EPB41L3: variants seen among roughly 807,000 people sequenced by gnomAD.
EPB41L3 encodes the protein band 4.1-like protein 3.
In EPB41L3, 57 loss-of-function variants were observed where a neutral mutation model predicts 127.1. The ratio of observed to expected loss-of-function variants is 0.45; its 90% CI spans 0.36 to 0.56. The LOEUF (loss-of-function observed/expected upper bound fraction) is 0.56, where lower values mean the gene tolerates loss of function less well. EPB41L3 is among the 20% of genes least tolerant of loss of function. The probability of loss-of-function intolerance (pLI) is 0.00; values close to 1 mark genes in which losing one functional copy is unlikely to be tolerated. For synonymous variants in EPB41L3, 572 were observed against 549.5 expected, an observed-to-expected ratio of 1.04 and a Z score of -0.57; for missense variants, 1,273 against 1,372.2, an observed-to-expected ratio of 0.93 and a Z score of 1.14.
At position 5,423,530 on chromosome 18, in the gene EPB41L3, G is replaced by T; in HGVS notation, c.1187C>A (p.Pro396His). Residue 396 changes from proline to histidine, a missense_variant, in exon 11 of 23, where the codon CCC (proline) becomes CAC (histidine). Coordinates refer to ENST00000341928, the MANE Select transcript of EPB41L3 (RefSeq NM_012307.5). ...GGAACCCAAGGTTAGGAATTTCTTG[G>T]GAGGTGCTTCTGGTAACAGTAGTCT... Reference protein sequence around the residue: ...FFRLLLPEAPPKKFLTLGSKF... With the variant: ...FFRLLLPEAPHKKFLTLGSKF... 2 of 1,612,890 alleles carry T rather than the reference G, an allele frequency of 1.2e-6. No individual in the cohort carries two copies. The highest frequency in any genetic ancestry group is 2.2e-5 in the South Asian group (2 of 90,900).
chr18:5,566,723 C>CATTCCATTCTATTCTATTCTATTCT (rs2094203774), intron 3 of EPB41L3, among the ~76,000 whole-genome samples: 3 of 112,416 alleles, frequency 2.7e-5, no homozygotes, highest in South Asian at 3.3e-4. Flanking sequence ...TTTTCTATTC[C>CATTCCATTCTATTCTATTCTATTCT]ATTCTATTCT....
At chr18:5,478,045 G>A (rs1003110853) in intron 3 of EPB41L3, among the ~76,000 whole-genome samples, 196 bp downstream of exon 3, 1 of 152,072 alleles carries the variant, frequency 6.6e-6, no homozygotes, top group African/African-American at 2.4e-5. Context: ...ACTTTTGATT[G>A]TAACATTTTG....
Position 5,416,308 on chromosome 18 carries a change from G to T in EPB41L3, c.1577C>A (p.Thr526Lys), listed in dbSNP as rs1456672482. The T allele has an allele frequency of 6.2e-7, 1 of 1,614,144 alleles. No individual in the cohort carries two copies. Among genetic ancestry groups the T allele is most frequent in the South Asian group, 1.1e-5 (1 of 91,082 alleles). Residue 526 changes from threonine (T) to lysine (K), a missense_variant, in exon 13 of 23, where the codon ACA (threonine) becomes AAA (lysine). Physicochemically the swap from Thr to Lys is moderately conservative, Grantham distance 78. Around this residue, in one of 3 missense-constraint regions of EPB41L3, gnomAD observed 765 missense variants for 782.9 expected, o/e 0.98. Coordinates refer to ENST00000341928, the MANE Select transcript of EPB41L3 (RefSeq NM_012307.5). ...CTCCTTACACCTCCTACGGAGCTCT[G>T]TGGGAGATGTGGGGGCACAATGGGT... ...PSTHCAPTSP[T>K]ELRRRCKEND...
At chr18:5,562,560 A>C (rs184225450) in intron 3 of EPB41L3, among the ~76,000 whole-genome samples, 161 of 152,362 alleles carry the variant, frequency 1.1e-3, no homozygotes, top group African/African-American at 3.8e-3. Flanking sequence ...TCAGGGTACC[A>C]ACCTCGTAAA....
At chr18:5,502,936 G>A (rs577194649) in intron 1 of EPB41L3, among the ~76,000 whole-genome samples, 42 of 152,280 alleles carry the variant, frequency 2.8e-4, no homozygotes, top group African/African-American at 8.4e-4. Flanking sequence ...TAACCCTGGC[G>A]AGGCTGCAGA....
chr18:5,609,467 GCCTGGC>G (rs1489801137), intron 3 of EPB41L3, among the ~76,000 whole-genome samples: 2 of 152,056 alleles, frequency 1.3e-5, no homozygotes, highest in Non-Finnish European at 2.9e-5. Context: ...TCCTTCCCAG[GCCTGGC>G]CCTGCATGCA....
At chr18:5,540,322 C>G (rs1335757326) in intron 1 of EPB41L3, 31 of 983,448 alleles carry the variant, frequency 3.2e-5, no homozygotes, top group Non-Finnish European at 3.6e-5. Context: ...TTACACCTTT[C>G]AATTCTCCAA....
chr18:5,537,674 A>G (rs907852354), intron 1 of EPB41L3, among the ~76,000 whole-genome samples: 2 of 151,988 alleles, frequency 1.3e-5, no homozygotes, highest in African/African-American at 4.8e-5. Context: ...TGCACCTCCC[A>G]TTACTCCCCA....
rs374364503 is a variant in EPB41L3, at chr18:5,433,481, T to C, written c.900A>G (p.Leu300=). 22 of 1,612,408 alleles carry C rather than the reference T, an allele frequency of 1.4e-5. No homozygotes were observed. In the African/African-American group the frequency reaches 2.9e-4, roughly 22 times the overall value. The change falls in exon 8 of 23, where the codon TTA becomes TTG. Residue 300 remains leucine (L), a synonymous_variant. Transcript: ENST00000341928. ...AAAAGATGCATACCTTAGCATGATG[T>C]AAATCTACCCCATACATTGATAATT... ...AKKLSMYGVD[L]HHAKDSEGVE...
At chr18:5,433,286 T>C (rs775379524) in intron 8 of EPB41L3, among the ~76,000 whole-genome samples, 183 bp downstream of exon 8, 3 of 152,136 alleles carry the variant, frequency 2.0e-5, no homozygotes, top group Non-Finnish European at 4.4e-5. Context: ...AGCAAACCCC[T>C]CAGTAAATAT....
At chr18:5,462,659 T>C (rs1325721929) in intron 3 of EPB41L3, among the ~76,000 whole-genome samples, 1 of 152,066 alleles carries the variant, frequency 6.6e-6, no homozygotes, top group African/African-American at 2.4e-5. Flanking sequence ...GTCAAAGCTG[T>C]CCCCACTCCC....
In EPB41L3 at chr18:5,489,118, C is replaced by CGCCTCCTGGGGCTCG; in HGVS notation, c.51_65dup (p.Glu18_Ala22dup). ...CCCCCGCGCGCCCCTGCGCCCCCGCCGCCTCCTGGGGCTCGGCCTCCTGGT... is the reference window on the plus strand; with the variant it reads ...CCCCCGCGCGCCCCTGCGCCCCCGCCGCCTCCTGGGGCTCGGCCTCCTGGGGCTCGGCCTCCTGGT... On this transcript the variant is annotated inframe_insertion, in exon 2 of 23. Coordinates refer to ENST00000341928, the MANE Select transcript of EPB41L3 (RefSeq NM_012307.5). 1 of 1,595,146 alleles carries CGCCTCCTGGGGCTCG rather than the reference C, an allele frequency of 6.3e-7. No individual in the cohort carries two copies. The highest frequency in any genetic ancestry group is 8.5e-7 in the Non-Finnish European group (1 of 1,174,882).
chr18:5,516,788 A>G (rs1416801556), intron 1 of EPB41L3, among the ~76,000 whole-genome samples: 1 of 152,236 alleles, frequency 6.6e-6, no homozygotes, highest in African/African-American at 2.4e-5. Flanking sequence ...AACTGCACAC[A>G]AAATCTGCTG....
chr18:5,627,216 C>T (rs756642161), intron 1 of EPB41L3, among the ~76,000 whole-genome samples: 5 of 152,182 alleles, frequency 3.3e-5, no homozygotes, highest in Non-Finnish European at 5.9e-5. Context: ...CATGTATCTA[C>T]ACAATAGCCT....
chr18:5,446,792 A>T (rs1298349661), intron 3 of EPB41L3, among the ~76,000 whole-genome samples: 1 of 152,268 alleles, frequency 6.6e-6, no homozygotes, highest in Admixed American at 6.5e-5. Context: ...TATTATGAAA[A>T]TAAATTACTC....
At chr18:5,466,054 A>AT (rs1255679962) in intron 3 of EPB41L3, among the ~76,000 whole-genome samples, 1 of 152,126 alleles carries the variant, frequency 6.6e-6, no homozygotes, top group Non-Finnish European at 1.5e-5. Context: ...ATATTTCATT[A>AT]TCATTTTTTC....
intron 8 of EPB41L3, among the ~76,000 whole-genome samples, chr18:5,430,239 T>C (rs946123663): frequency 3.3e-5 from 5 of 152,180 alleles, no homozygotes; most frequent in Non-Finnish European, 7.3e-5. Flanking sequence ...CAAACTGTTA[T>C]CTCTAGTACA....
Position 5,393,440 on chromosome 18 carries a change from G to C in EPB41L3, c.*45C>G. ...CCATATAGGCTCTGGTTTTCCTAAC[G>C]GTTTGCATGACTGCATTCATGTGCA... On this transcript the variant is annotated 3_prime_UTR_variant, in exon 23 of 23. Coordinates refer to ENST00000341928, the MANE Select transcript of EPB41L3 (RefSeq NM_012307.5). 1 of 699,550 alleles carries C rather than the reference G, an allele frequency of 1.4e-6. No homozygotes were observed. Among genetic ancestry groups the C allele is most frequent in the South Asian group, 1.5e-5 (1 of 67,016 alleles). The allele number at this position is 699,550 out of a possible 1,614,324, so 43.3% of individuals were successfully genotyped here. A position where few individuals can be genotyped will look rare whatever the true frequency, so the allele number is the denominator to read the frequency against.
chr18:5,604,805 T>G (rs1165411960), intron 3 of EPB41L3, among the ~76,000 whole-genome samples: 1 of 152,102 alleles, frequency 6.6e-6, no homozygotes, highest in African/African-American at 2.4e-5. Context: ...ATGTTTCATT[T>G]CCTCTCCTTA....
Sources: gnomAD v4.1 joint callset for allele counts (sites outside exome capture counted in the v4.1 genomes callset) on GRCh38, gnomAD v4.1.1 for gene constraint, gnomAD v4.1.1 regional missense constraint, MANE v1.5 for transcripts, NCBI Gene and HGNC (gene_info 2026-07-23, HGNC 2026-07-21) for gene names.